FGF12: variants seen among roughly 807,000 people sequenced by gnomAD.
FGF12 encodes the protein fibroblast growth factor 12.
Under a neutral mutation model 23.6 loss-of-function variants are expected in FGF12, and 14 were observed. The ratio of observed to expected loss-of-function variants is 0.59; its 90% CI spans 0.39 to 0.93. The LOEUF (loss-of-function observed/expected upper bound fraction) is 0.93. Among genes scored for constraint, FGF12 ranks in the 40% least tolerant of loss-of-function variants. FGF12 has a pLI of 0.00. For missense variants in FGF12, 175 were observed against 217.8 expected, an observed-to-expected ratio of 0.80 and a Z score of 1.24; for synonymous variants, 62 against 77.3, an observed-to-expected ratio of 0.80 and a Z score of 1.04.
At chr3:192,193,735 C>G (rs981632589) in intron 4 of FGF12, among the ~76,000 whole-genome samples, 2 of 152,114 alleles carry the variant, frequency 1.3e-5, no homozygotes. Context: ...TACTGAAACA[C>G]TTTTAAATAC....
intron 2 of FGF12, among the ~76,000 whole-genome samples, chr3:192,696,030 C>T (rs1718110548): frequency 6.6e-6 from 1 of 152,144 alleles, no homozygotes; most frequent in South Asian, 2.1e-4. Flanking sequence ...ATCCAGGAGG[C>T]AGCGGTTGCA....
chr3:192,167,679 C>T (rs1715244792), intron 5 of FGF12, among the ~76,000 whole-genome samples: 1 of 132,540 alleles, frequency 7.5e-6, no homozygotes, highest in Non-Finnish European at 1.5e-5. Flanking sequence ...CAAGAGGAAA[C>T]TTGATTAACC....
At chr3:192,187,890 A>G (rs1577216405) in intron 4 of FGF12, among the ~76,000 whole-genome samples, 1 of 152,308 alleles carries the variant, frequency 6.6e-6, no homozygotes, top group Non-Finnish European at 1.5e-5. Flanking sequence ...TTTCCTCGAC[A>G]TGGGGGGTCA....
chr3:192,611,313 T>C (rs1343092740), intron 2 of FGF12, among the ~76,000 whole-genome samples: 1 of 152,092 alleles, frequency 6.6e-6, no homozygotes, highest in African/African-American at 2.4e-5. Context: ...TATTTCTAGC[T>C]TTTAAAGCCT....
At chr3:192,384,478 A>G (rs1489907496) in intron 2 of FGF12, among the ~76,000 whole-genome samples, 1 of 152,190 alleles carries the variant, frequency 6.6e-6, no homozygotes, top group African/African-American at 2.4e-5. Flanking sequence ...GCTGGAAGAA[A>G]TAACATCTTC....
intron 2 of FGF12, among the ~76,000 whole-genome samples, chr3:192,504,255 C>A (rs10937549): frequency 0.9 from 136,566 of 152,172 alleles, 61,303 homozygotes; most frequent in East Asian, 0.91. Context: ...TTAGTACCTG[C>A]GTGATGAAAT....
chr3:192,547,110 T>A lies in FGF12; in HGVS notation c.13+180071A>T, dbSNP rs373373019. 3.9e-5 allele frequency among the ~76,000 whole-genome samples: 6 copies of A among 152,286 alleles called. No individual in the cohort carries two copies. In the East Asian group the frequency reaches 7.7e-4, roughly 20 times the overall value. On this transcript the variant is annotated intron_variant, in intron 2 of 5. Coordinates refer to ENST00000445105, the MANE Select transcript of FGF12 (RefSeq NM_004113.6). ...CTAGCTGAGCCTCCACAAATGTTCC[T>A]TAGACCTACCCAACTCTATCTGTAC...
chr3:192,694,059 A>T (rs1560196655), intron 2 of FGF12, among the ~76,000 whole-genome samples: 1 of 152,216 alleles, frequency 6.6e-6, no homozygotes, highest in Non-Finnish European at 1.5e-5. Flanking sequence ...AATAACAAAA[A>T]TCAAATAACT....
chr3:192,168,818 CAG>C (rs1715375492), intron 5 of FGF12, among the ~76,000 whole-genome samples: 1 of 152,086 alleles, frequency 6.6e-6, no homozygotes, highest in South Asian at 2.1e-4. Flanking sequence ...TAAGAGGAGA[CAG>C]AGTGGCATTG....
intron 4 of FGF12, among the ~76,000 whole-genome samples, chr3:192,239,608 C>T (rs1320369404): frequency 1.3e-5 from 2 of 152,156 alleles, no homozygotes; most frequent in Non-Finnish European, 2.9e-5. Context: ...TCTGCCTCTT[C>T]CTGTCAGATC....
chr3:192,662,535 A>G (rs1716710629), intron 2 of FGF12, among the ~76,000 whole-genome samples: 1 of 152,178 alleles, frequency 6.6e-6, no homozygotes, highest in Non-Finnish European at 1.5e-5. Flanking sequence ...TGATTTCCAT[A>G]GGCTAGGAGG....
rs536392220 is a variant in FGF12, at chr3:192,408,920, G to C, written c.14-48382C>G. On this transcript the variant is annotated intron_variant, in intron 2 of 5. Transcript: ENST00000445105. This position sits in a 1 kb window ranked among gnomAD's most constrained non-coding sequence, Gnocchi z 7.3. Reference sequence around the variant, plus strand: ...ATCGCGCCGGCTGCGGCTTTCCAGGGGCCGGCCACCCGAGTTCTGGAATTC... The same window carrying C: ...ATCGCGCCGGCTGCGGCTTTCCAGGCGCCGGCCACCCGAGTTCTGGAATTC... 3 of 985,290 alleles carry C rather than the reference G, an allele frequency of 3.0e-6. No homozygotes were observed. The highest frequency in any genetic ancestry group is 6.1e-5 in the Admixed American group (1 of 16,286). 61.0% of individuals were successfully genotyped at this position (985,290 alleles called of 1,614,324 possible). A position where few individuals can be genotyped will look rare whatever the true frequency, so the allele number is the denominator to read the frequency against.
chr3:192,256,577 T>C (rs560469128), intron 4 of FGF12, among the ~76,000 whole-genome samples: 31 of 152,274 alleles, frequency 2.0e-4, no homozygotes, highest in Non-Finnish European at 4.1e-4. Flanking sequence ...ATGCCATATA[T>C]TTAAAGCATT....
intron 2 of FGF12, among the ~76,000 whole-genome samples, chr3:192,588,276 G>C (rs992661897): frequency 2.7e-4 from 41 of 149,516 alleles, no homozygotes; most frequent in Non-Finnish European, 5.9e-5. Flanking sequence ...CGTGAACCCG[G>C]GAGGCGGAGC....
chr3:192,675,190 G>A (rs1177691545), intron 2 of FGF12, among the ~76,000 whole-genome samples: 1 of 152,054 alleles, frequency 6.6e-6, no homozygotes, highest in Non-Finnish European at 1.5e-5. Context: ...GACCTGGATG[G>A]TCCCAGTACA....
At chr3:192,323,726 GGTAA>G (rs933767837) in intron 4 of FGF12, among the ~76,000 whole-genome samples, 3 of 152,150 alleles carry the variant, frequency 2.0e-5, no homozygotes, top group African/African-American at 7.2e-5. Flanking sequence ...ACAAAGAAAG[GGTAA>G]GTGTTTGAGG....
At chr3:192,599,155 A>C (rs1242037288) in intron 2 of FGF12, among the ~76,000 whole-genome samples, 2 of 151,806 alleles carry the variant, frequency 1.3e-5, no homozygotes, top group African/African-American at 4.8e-5. Flanking sequence ...GAAATACCTA[A>C]TGTAGATCAC....
intron 3 of FGF12, among the ~76,000 whole-genome samples, chr3:192,345,548 G>T (rs1468658085): frequency 1.1e-5 from 1 of 94,568 alleles, no homozygotes; most frequent in Non-Finnish European, 1.8e-5. Flanking sequence ...TTAGCCGGGC[G>T]TGGTAGCGGG....
intron 4 of FGF12, among the ~76,000 whole-genome samples, chr3:192,252,906 A>T (rs1712132206): frequency 6.6e-6 from 1 of 152,142 alleles, no homozygotes; most frequent in Admixed American, 6.6e-5. Context: ...CTCTCATTAT[A>T]CCCTGGGGGA....
Sources: allele counts gnomAD v4.1 joint callset (sites outside exome capture counted in the v4.1 genomes callset), GRCh38; gene constraint gnomAD v4.1.1; non-coding constraint Gnocchi (gnomAD v3.1); transcripts MANE v1.5; gene names NCBI Gene and HGNC (gene_info 2026-07-23, HGNC 2026-07-21).